TACC2: variants seen among roughly 807,000 people sequenced by gnomAD.
TACC2 encodes the protein transforming acidic coiled-coil containing protein 2.
In TACC2, 137 loss-of-function variants were observed where a neutral mutation model predicts 227.3. The observed-to-expected ratio is 0.60, with a 90% CI of 0.52 to 0.69. The LOEUF (loss-of-function observed/expected upper bound fraction) is 0.69, where lower values mean the gene tolerates loss of function less well. Among genes scored for constraint, TACC2 ranks in the 30% least tolerant of loss-of-function variants. TACC2 has a pLI of 0.00. For missense variants in TACC2, 3,470 were observed against 3,694.4 expected (o/e 0.94, Z 1.57); for synonymous variants, 1,523 against 1,487.5 (o/e 1.02, Z -0.55).
chr10:122,042,705 G>A (rs2136042410), intron 2 of TACC2, among the ~76,000 whole-genome samples: 1 of 152,256 alleles, frequency 6.6e-6, no homozygotes, highest in South Asian at 2.1e-4. Context: ...CAACCCTGCA[G>A]TTATGACCCC....
At position 122,227,918 on chromosome 10, in the gene TACC2, C is replaced by G. The variant is rs376976062; in HGVS notation, c.7806C>G (p.Asn2602Lys). Reference protein sequence around the residue: ...QHPVPRGLAPNQESHLQVPEK... With the variant: ...QHPVPRGLAPKQESHLQVPEK... ...CTGTCCCACGAGGACTGGCCCCTAA[C>G]CAAGAGTCACACTTGCAGGTGCCAG... The change falls in exon 14 of 23, where the codon AAC (asparagine) becomes AAG (lysine). Residue 2602 changes from asparagine to lysine, a missense_variant. Asn to Lys is a moderately conservative substitution (Grantham distance 94). Transcript: ENST00000369005. 2.2e-5 allele frequency: 36 copies of G among 1,614,162 alleles called. No individual in the cohort carries two copies. In the African/African-American group the frequency reaches 4.8e-4, roughly 22 times the overall value.
At position 122,180,591 on chromosome 10, in the gene TACC2, GCGTCC is replaced by G. The variant is rs1261266489; in HGVS notation, c.5835-14446_5835-14442del. 1.3e-5 allele frequency among the ~76,000 whole-genome samples: 2 copies of G among 152,142 alleles called. No individual in the cohort carries two copies. The highest frequency in any genetic ancestry group is 2.4e-5 in the African/African-American group (1 of 41,456). ...CTGACCTTGTGATCCACCTGCCTCG[GCGTCC>G]CGAAGTGCTGGGATTACAGGCATGA... On this transcript the variant is annotated intron_variant, in intron 7 of 22. Transcript: ENST00000369005. This position sits in a 1 kb window ranked among gnomAD's most constrained non-coding sequence, Gnocchi z 4.5.
intron 8 of TACC2, among the ~76,000 whole-genome samples, chr10:122,198,248 C>T (rs2140670472): frequency 6.6e-6 from 1 of 152,328 alleles, no homozygotes; most frequent in Admixed American, 6.5e-5. Context: ...ACTCCTGAGG[C>T]AGAAGATGGG....
rs761527720 is a variant in TACC2 at position 122,229,449 on chromosome 10, C to A, written c.8000C>A (p.Ala2667Glu). Residue 2667 changes from alanine to glutamate, a missense_variant, in exon 15 of 23, where the codon GCA becomes GAA. Around this residue, in one of 10 missense-constraint regions of TACC2, gnomAD observed 345 missense variants for 354.4 expected, o/e 0.97. Coordinates refer to ENST00000369005, the MANE Select transcript of TACC2 (RefSeq NM_206862.4). Reference sequence around the variant, plus strand: ...CTTGACTATCTGGAGCCCGACTTAGCAGAAAAGAACCCCCCACTATTCGCT... The same window carrying A: ...CTTGACTATCTGGAGCCCGACTTAGAAGAAAAGAACCCCCCACTATTCGCT... ...GALDYLEPDL[A>E]EKNPPLFAQK... 1.2e-6 allele frequency: 2 copies of A among 1,614,052 alleles called. No homozygotes were observed. Among genetic ancestry groups the A allele is most frequent in the South Asian group, 2.2e-5 (2 of 91,048 alleles).
intron 8 of TACC2, among the ~76,000 whole-genome samples, chr10:122,204,149 A>G (rs2095015473): frequency 7.3e-6 from 1 of 137,794 alleles, no homozygotes. Flanking sequence ...GAGACCTTGG[A>G]AAGAGAGGGA....
intron 3 of TACC2, among the ~76,000 whole-genome samples, chr10:122,066,626 C>T (rs2077422615): frequency 6.6e-6 from 1 of 152,064 alleles, no homozygotes; most frequent in Non-Finnish European, 1.5e-5. Context: ...TGGTCTCAAA[C>T]TCCTGACCTC....
chr10:122,149,446 G>A (rs1166979799), intron 7 of TACC2, among the ~76,000 whole-genome samples: 1 of 152,180 alleles, frequency 6.6e-6, no homozygotes, highest in African/African-American at 2.4e-5. Flanking sequence ...GCAGACTGTG[G>A]CGGCTGTGGC....
rs1378910055 is a variant in TACC2 at position 122,088,490 on chromosome 10, G to C, written c.5472G>C (p.Arg1824Ser). Reference protein sequence around the residue: ...EELHTDRESPRPGPSMLPSVP... With the variant: ...EELHTDRESPSPGPSMLPSVP... The stretch of plus-strand genomic sequence containing the variant: ...TTTATTATCCCAGAGAGAGCCCCAG[G>C]CCTGGCCCATCCATGTTACCTTCGG... Residue 1824 changes from arginine (R) to serine (S), a missense_variant, in exon 5 of 23, where the codon AGG becomes AGC. Arg to Ser is a moderately radical substitution (Grantham distance 110). This residue lies in a region of TACC2 where 1,924 missense variants were observed against 1,978.3 expected (regional missense o/e 0.97). Transcript: ENST00000369005. 1.9e-6 allele frequency: 3 copies of C among 1,612,794 alleles called. No individual in the cohort carries two copies. The highest frequency in any genetic ancestry group is 2.5e-6 in the Non-Finnish European group (3 of 1,179,434).
chr10:122,067,506 G>GT (rs1425871682), intron 3 of TACC2, among the ~76,000 whole-genome samples: 13 of 98,430 alleles, frequency 1.3e-4, no homozygotes, highest in Non-Finnish European at 2.4e-4. Flanking sequence ...CACTGTTTCT[G>GT]GTTTTTTTTT....
intron 18 of TACC2, chr10:122,241,666 A>C: frequency 2.1e-6 from 1 of 471,484 alleles, no homozygotes; most frequent in Non-Finnish European, 3.8e-6. Flanking sequence ...AGCCTTAAGT[A>C]ATCCACCAGC....
Position 122,211,658 on chromosome 10 carries a change from C to G in TACC2, c.7233C>G (p.Asp2411Glu), listed in dbSNP as rs763545893. ...PASAMEANGV[D>E]GDGLNKPAKK... ...GTGCTATGGAAGCCAATGGAGTGGA[C>G]GGGGATGGGCTAAACAAGCCCGCCA... Residue 2411 changes from aspartate to glutamate, a missense_variant, in exon 9 of 23, where the codon GAC (aspartate) becomes GAG (glutamate). By Grantham distance (45) the Asp-to-Glu change is conservative. This residue lies in a region of TACC2 where 593 missense variants were observed against 636.6 expected (regional missense o/e 0.93). Transcript: ENST00000369005. 1 of 1,590,400 alleles carries G rather than the reference C, an allele frequency of 6.3e-7. No individual in the cohort carries two copies. Among genetic ancestry groups the G allele is most frequent in the East Asian group, 2.2e-5 (1 of 44,798 alleles).
rs61753074 is a variant in TACC2, at chr10:122,086,664, A to G, written c.4164A>G (p.Thr1388=). ...GEPSQDPKQG[T]SGGVDTSSEQ... is the part of the protein sequence containing the mutation. ...CTTCCCAGGACCCAAAGCAGGGCAC[A>G]TCAGGTGGTGTGGACACAAGCTCTG... The change falls in exon 4 of 23, where the codon ACA becomes ACG. Residue 1388 remains threonine (T), a synonymous_variant. Transcript: ENST00000369005. 8.1e-3 allele frequency: 13,107 copies of G among 1,611,800 alleles called. 577 individuals carry two copies. The African/African-American group carries it at 0.11, about 14-fold the overall frequency.
At chr10:122,214,634 A>C (rs1270236611) in intron 9 of TACC2, among the ~76,000 whole-genome samples, 2 of 152,238 alleles carry the variant, frequency 1.3e-5, no homozygotes, top group Non-Finnish European at 2.9e-5. Flanking sequence ...GGAACTGCTC[A>C]GGCTAAAAGG....
intron 5 of TACC2, among the ~76,000 whole-genome samples, chr10:122,111,441 G>C (rs1218297165): frequency 6.6e-6 from 1 of 151,284 alleles, no homozygotes; most frequent in African/African-American, 2.4e-5. Context: ...TTACATGGTG[G>C]TGAGTGGTGT....
chr10:122,093,058 A>G (rs1329980635), intron 5 of TACC2, among the ~76,000 whole-genome samples: 3 of 151,794 alleles, frequency 2.0e-5, no homozygotes, highest in Non-Finnish European at 4.4e-5. Context: ...TCGTTGCTGA[A>G]TATGTGTTTA....
intron 8 of TACC2, among the ~76,000 whole-genome samples, chr10:122,195,651 A>G (rs1486750982): frequency 6.6e-6 from 1 of 152,144 alleles, no homozygotes. Flanking sequence ...ATTTCATATC[A>G]CTTTCCCACA....
Position 122,082,860 on chromosome 10 carries a change from T to C in TACC2, c.360T>C (p.Gly120=), listed in dbSNP as rs142984046. 6 of 1,613,110 alleles carry C rather than the reference T, an allele frequency of 3.7e-6. No individual in the cohort carries two copies. The highest frequency in any genetic ancestry group is 5.1e-6 in the Non-Finnish European group (6 of 1,179,970). The part of the protein sequence containing the change: ...SMPFAECPPE[G]CLASPAAAPE... ...CCTTTGCCGAGTGTCCCCCGGAAGGTTGCTTGGCAAGTCCAGCAGCGGCAC... is the reference window on the plus strand; with the variant it reads ...CCTTTGCCGAGTGTCCCCCGGAAGGCTGCTTGGCAAGTCCAGCAGCGGCAC... The change falls in exon 4 of 23, where the codon GGT becomes GGC. Residue 120 remains glycine, a synonymous_variant. Transcript: ENST00000369005.
At chr10:122,069,116 A>T (rs989949112) in intron 3 of TACC2, among the ~76,000 whole-genome samples, 3 of 132,390 alleles carry the variant, frequency 2.3e-5, no homozygotes, top group African/African-American at 8.6e-5. Flanking sequence ...CTCCCCAGAT[A>T]CACAGCTTCA....
intron 2 of TACC2, among the ~76,000 whole-genome samples, chr10:122,038,629 G>T (rs2135957636): frequency 6.6e-6 from 1 of 152,292 alleles, no homozygotes. Flanking sequence ...GTTGTTTCTT[G>T]AGGCAATCTC....
Sources: allele counts gnomAD v4.1 joint callset (sites outside exome capture counted in the v4.1 genomes callset), GRCh38; gene constraint gnomAD v4.1.1; regional missense constraint gnomAD v4.1.1; non-coding constraint Gnocchi (gnomAD v3.1); transcripts MANE v1.5; gene names NCBI Gene and HGNC (gene_info 2026-07-23, HGNC 2026-07-21).